STXBP5L: variants seen among roughly 807,000 people sequenced by gnomAD.
STXBP5L encodes the protein syntaxin-binding protein 5-like.
A neutral mutation model predicts 144.5 loss-of-function variants in STXBP5L; 65 were observed. The observed-to-expected ratio is 0.45, with a 90% confidence interval of 0.37 to 0.55. The LOEUF (loss-of-function observed/expected upper bound fraction) is 0.55, where lower values mean the gene tolerates loss of function less well. Among genes scored for constraint, STXBP5L ranks in the 20% least tolerant of loss-of-function variants. The pLI is 0.00. For synonymous variants in STXBP5L, 505 were observed against 469.6 expected (o/e 1.08, Z -0.97); for missense variants, 1,298 against 1,405.5 (o/e 0.92, Z 1.22).
chr3:121,007,398 T>G (rs775723453), intron 3 of STXBP5L, among the ~76,000 whole-genome samples: 44 of 152,100 alleles, frequency 2.9e-4, no homozygotes, highest in Admixed American at 5.2e-4. Flanking sequence ...GGCCTCAAAT[T>G]TAATTGAGAA....
At chr3:121,257,763 A>G (rs1316005438) in intron 17 of STXBP5L, among the ~76,000 whole-genome samples, 1 of 152,182 alleles carries the variant, frequency 6.6e-6, no homozygotes, top group Non-Finnish European at 1.5e-5. Flanking sequence ...TGTATCTACA[A>G]AAAATTTAAA....
At chr3:121,218,519 C>G (rs1483659499) in intron 10 of STXBP5L, among the ~76,000 whole-genome samples, 1 of 151,456 alleles carries the variant, frequency 6.6e-6, no homozygotes, top group Non-Finnish European at 1.5e-5. Context: ...CTAGTGATTT[C>G]CATACAACAT....
intron 22 of STXBP5L, among the ~76,000 whole-genome samples, chr3:121,403,111 C>T (rs9878946): frequency 0.094 from 14,281 of 152,146 alleles, 956 homozygotes; most frequent in African/African-American, 0.18. Context: ...CAGATAAAAA[C>T]TTCAACAGCT....
chr3:120,975,401 GA>G (rs1940850587), intron 3 of STXBP5L, among the ~76,000 whole-genome samples: 1 of 152,196 alleles, frequency 6.6e-6, no homozygotes, highest in Non-Finnish European at 1.5e-5. Flanking sequence ...TTTGTATCCT[GA>G]GACTTTGCTG....
At chr3:121,233,887 C>A (rs1366798291) in intron 12 of STXBP5L, among the ~76,000 whole-genome samples, 199 bp downstream of exon 12, 1 of 152,142 alleles carries the variant, frequency 6.6e-6, no homozygotes, top group Non-Finnish European at 1.5e-5. Flanking sequence ...AACTTAAAGG[C>A]AGCACCTGAT....
chr3:121,289,462 C>T (rs979774724), intron 19 of STXBP5L, among the ~76,000 whole-genome samples: 3 of 152,070 alleles, frequency 2.0e-5, no homozygotes, highest in Non-Finnish European at 2.9e-5. Context: ...TGCAGTACTT[C>T]AGTACTCCAC....
chr3:121,221,349 G>T (rs200056558), intron 10 of STXBP5L, among the ~76,000 whole-genome samples: 1 of 151,570 alleles, frequency 6.6e-6, no homozygotes, highest in South Asian at 2.1e-4. Flanking sequence ...AAGCAGGGGG[G>T]GTAAATTGCT....
chr3:121,194,225 T>C (rs1017749837), intron 9 of STXBP5L, among the ~76,000 whole-genome samples: 3 of 152,108 alleles, frequency 2.0e-5, no homozygotes, highest in Non-Finnish European at 4.4e-5. Flanking sequence ...AATAACTACT[T>C]TAGTCTCTGT....
At chr3:121,096,686 GAAA>G (rs569114642) in intron 5 of STXBP5L, among the ~76,000 whole-genome samples, 1 of 147,674 alleles carries the variant, frequency 6.8e-6, no homozygotes, top group South Asian at 2.1e-4. Context: ...AACAGCGAAA[GAAA>G]AAAAAAAGCC....
intron 9 of STXBP5L, among the ~76,000 whole-genome samples, chr3:121,176,865 C>T (rs552135305): frequency 6.6e-6 from 1 of 151,154 alleles, no homozygotes; most frequent in African/African-American, 2.4e-5. Flanking sequence ...GAAAATATAA[C>T]AAAAGTTTAA....
intron 2 of STXBP5L, among the ~76,000 whole-genome samples, chr3:120,950,376 A>G (rs922569052): frequency 2.4e-4 from 36 of 152,142 alleles, no homozygotes; most frequent in Admixed American, 9.8e-4. Flanking sequence ...CCATTAATCT[A>G]TATGTCTATC....
At chr3:120,970,967 C>A (rs1229191942) in intron 3 of STXBP5L, among the ~76,000 whole-genome samples, 1 of 152,138 alleles carries the variant, frequency 6.6e-6, no homozygotes, top group Non-Finnish European at 1.5e-5. Flanking sequence ...GTTTCCTGAA[C>A]TGGGGAACAC....
chr3:120,931,921 G>T (rs142085295), intron 2 of STXBP5L, among the ~76,000 whole-genome samples: 18 of 152,318 alleles, frequency 1.2e-4, no homozygotes, highest in Non-Finnish European at 2.2e-4. Context: ...GATAGGTTCT[G>T]AGAAATGCAT....
At chr3:121,025,674 T>A (rs1173335684) in intron 3 of STXBP5L, among the ~76,000 whole-genome samples, 2 of 151,836 alleles carry the variant, frequency 1.3e-5, no homozygotes, top group East Asian at 3.9e-4. Flanking sequence ...ATAGTTTCTG[T>A]AAACCGTGAA....
At chr3:121,111,014 C>T (rs764397740) in intron 5 of STXBP5L, among the ~76,000 whole-genome samples, 2 of 152,032 alleles carry the variant, frequency 1.3e-5, no homozygotes, top group South Asian at 2.1e-4. Context: ...TTCTTTCCTC[C>T]GCTTGGTCTA....
intron 19 of STXBP5L, among the ~76,000 whole-genome samples, chr3:121,280,201 A>T (rs548346200): frequency 6.6e-6 from 1 of 151,966 alleles, no homozygotes; most frequent in Non-Finnish European, 1.5e-5. Flanking sequence ...CAACTTTCTT[A>T]GGTTTAATTC....
At chr3:121,295,150 A>C (rs1002887716) in intron 19 of STXBP5L, among the ~76,000 whole-genome samples, 1 of 152,136 alleles carries the variant, frequency 6.6e-6, no homozygotes, top group African/African-American at 2.4e-5. Flanking sequence ...ATGTGAATAC[A>C]GAATGATCCA....
intron 22 of STXBP5L, among the ~76,000 whole-genome samples, chr3:121,388,765 T>G (rs868478908): frequency 6.6e-6 from 1 of 152,190 alleles, no homozygotes; most frequent in Non-Finnish European, 1.5e-5. Flanking sequence ...GTGGATAAGC[T>G]TTTCGATGTG....
At chr3:121,033,719 T>G (rs559460501) in intron 3 of STXBP5L, among the ~76,000 whole-genome samples, 82 of 152,104 alleles carry the variant, frequency 5.4e-4, no homozygotes, top group African/African-American at 1.6e-3. Context: ...TATATATTCT[T>G]ATAAGTAAGA....
Sources: gnomAD v4.1 joint callset for allele counts (sites outside exome capture counted in the v4.1 genomes callset) on GRCh38, gnomAD v4.1.1 for gene constraint, MANE v1.5 for transcripts, NCBI Gene and HGNC (gene_info 2026-07-23, HGNC 2026-07-21) for gene names.